The following HIP1 variants were observed in gnomAD, a reference collection of about 807,000 sequenced individuals.
The protein encoded by HIP1 is huntingtin interacting protein 1, also known as huntingtin-interacting protein 1.
HIP1 carries 65 observed loss-of-function variants against 147.6 expected under a neutral mutation model. The ratio of observed to expected loss-of-function variants is 0.44; its 90% CI spans 0.36 to 0.54. The LOEUF is 0.54. Among genes scored for constraint, HIP1 ranks in the 20% least tolerant of loss-of-function variants. The probability of loss-of-function intolerance (pLI) is 0.00; values close to 1 mark genes in which losing one functional copy is unlikely to be tolerated. For missense variants in HIP1, 1,061 were observed against 1,299.6 expected, an observed-to-expected ratio of 0.82 and a Z score of 2.82; for synonymous variants, 479 against 504.0, an observed-to-expected ratio of 0.95 and a Z score of 0.67.
At chr7:75,538,343 T>A (rs908932272) in intron 30 of HIP1, 119 bp from the exon 31 acceptor site, 35 of 805,226 alleles carry the variant, frequency 4.3e-5, no homozygotes, top group Non-Finnish European at 7.0e-5. Context: ...CATGGTGTAA[T>A]CACATAGTCC....
chr7:75,700,986 TG>T (rs1187076136), intron 1 of HIP1, among the ~76,000 whole-genome samples: 1 of 152,016 alleles, frequency 6.6e-6, no homozygotes, highest in Non-Finnish European at 1.5e-5. Context: ...ACTACAGGCG[TG>T]AGCCACCACA....
At chr7:75,605,374 G>A (rs1797185011) in intron 1 of HIP1, among the ~76,000 whole-genome samples, 2 of 152,196 alleles carry the variant, frequency 1.3e-5, no homozygotes, top group Non-Finnish European at 2.9e-5. Context: ...GGATGGAGGA[G>A]AAGCCAGGAG....
chr7:75,546,952 A>G lies in HIP1; in HGVS notation c.2546T>C (p.Val849Ala). Residue 849 changes from valine (V) to alanine (A), a missense_variant, in exon 25 of 31, where the codon GTG becomes GCG. Val to Ala is a moderately conservative substitution (Grantham distance 64, BLOSUM62 0). Coordinates refer to ENST00000336926, the MANE Select transcript of HIP1 (RefSeq NM_005338.7). ...VASKDLQREI[V>A]ESGRGTASPK... ...ACCCACGCTCACCCTGCCGCTCTCC[A>G]CAATCTCTCTCTGGAGGTCCTTAGA... is the stretch of plus-strand genomic sequence containing the variant. 4 of 1,573,392 alleles carry G rather than the reference A, an allele frequency of 2.5e-6. No homozygotes were observed. Among genetic ancestry groups the G allele is most frequent in the Non-Finnish European group, 3.5e-6 (4 of 1,158,048 alleles).
At chr7:75,719,422 G>T (rs1301229200) in intron 1 of HIP1, among the ~76,000 whole-genome samples, 3 of 151,770 alleles carry the variant, frequency 2.0e-5, no homozygotes, top group African/African-American at 4.8e-5. Context: ...GAGAATGGCG[G>T]GAACCCGGAA....
chr7:75,706,476 T>TAGAGAAATG (rs1563304799), intron 1 of HIP1, among the ~76,000 whole-genome samples: 1 of 148,272 alleles, frequency 6.7e-6, no homozygotes, highest in African/African-American at 2.5e-5. Flanking sequence ...ATATCTTCTT[T>TAGAGAAATG]TTTTTTATTT....
At chr7:75,622,562 T>C (rs1554507308) in intron 1 of HIP1, among the ~76,000 whole-genome samples, 1 of 151,718 alleles carries the variant, frequency 6.6e-6, no homozygotes, top group Non-Finnish European at 1.5e-5. Context: ...TTGCAAGTCT[T>C]AAAACCTGGT....
intron 1 of HIP1, among the ~76,000 whole-genome samples, chr7:75,704,994 T>C (rs554451413): frequency 6.6e-6 from 1 of 152,358 alleles, no homozygotes; most frequent in African/African-American, 2.4e-5. Context: ...TACTTTCTTT[T>C]CCAAGTTTTA....
rs945325920 is a variant in HIP1, at chr7:75,535,872, C to T, written c.*2300G>A. ...GATTACGGGCACCCGTCACTACGCTCGGCTAATTTTTGGTATTTTTAGTAG... is the reference window on the plus strand; with the variant it reads ...GATTACGGGCACCCGTCACTACGCTTGGCTAATTTTTGGTATTTTTAGTAG... On this transcript the variant is annotated 3_prime_UTR_variant, in exon 31 of 31. Transcript: ENST00000336926. 6 of 172,054 alleles carry T rather than the reference C, an allele frequency of 3.5e-5. No homozygotes were observed. The East Asian group carries it at 4.3e-4, about 12-fold the overall frequency. 10.7% of individuals were successfully genotyped at this position (172,054 alleles called of 1,614,324 possible).
chr7:75,657,177 G>T (rs1012747461), intron 1 of HIP1, among the ~76,000 whole-genome samples: 1 of 152,150 alleles, frequency 6.6e-6, no homozygotes. Context: ...GCCCATCCAT[G>T]GTAGACTGGA....
rs55679922 is a variant in HIP1, at chr7:75,551,189, A to ATTT, written c.2296-2191_2296-2189dup. The stretch of plus-strand genomic sequence containing the variant: ...TAGGGAGGCAAAGATGTAGATGATA[A>ATTT]TTTTTTTTTTTTTTTTTTTTTTTTT... On this transcript the variant is annotated intron_variant, in intron 22 of 30. Transcript: ENST00000336926. 5.8e-3 allele frequency among the ~76,000 whole-genome samples: 445 copies of ATTT among 77,382 alleles called. 81 individuals carry two copies. Among genetic ancestry groups the ATTT allele is most frequent in the African/African-American group, 0.017 (243 of 14,694 alleles). The allele number at this position is 77,382 out of a possible 152,430, so 50.8% of individuals were successfully genotyped here.
intron 1 of HIP1, among the ~76,000 whole-genome samples, chr7:75,730,402 C>T (rs141458041): frequency 0.016 from 2,397 of 149,424 alleles, 33 homozygotes; most frequent in Non-Finnish European, 0.026. Flanking sequence ...TGCAATGGCG[C>T]GATCTCAGCT....
intron 5 of HIP1, among the ~76,000 whole-genome samples, chr7:75,582,402 T>C (rs782153201): frequency 1.5e-4 from 23 of 152,082 alleles, no homozygotes; most frequent in Non-Finnish European, 2.6e-4. Context: ...CATTGCTGAG[T>C]ATCTACAGCC....
intron 26 of HIP1, 119 bp downstream of exon 26, chr7:75,544,967 ACT>A: frequency 1.3e-6 from 1 of 772,820 alleles, no homozygotes; most frequent in South Asian, 1.7e-5. Context: ...GGTCCTATTG[ACT>A]TCCTGATCAA....
chr7:75,706,754 G>T (rs1363173777), intron 1 of HIP1, among the ~76,000 whole-genome samples: 14 of 106,022 alleles, frequency 1.3e-4, no homozygotes, highest in African/African-American at 5.1e-4. Flanking sequence ...CTAGCATTAG[G>T]TATATCTCCC....
At chr7:75,724,043 G>GC (rs1801581746) in intron 1 of HIP1, among the ~76,000 whole-genome samples, 1 of 151,894 alleles carries the variant, frequency 6.6e-6, no homozygotes, top group South Asian at 2.1e-4. Flanking sequence ...TGCAACCTCC[G>GC]CCCCCGGGGC....
chr7:75,724,977 C>A (rs1315661652), intron 1 of HIP1, among the ~76,000 whole-genome samples: 1 of 152,162 alleles, frequency 6.6e-6, no homozygotes, highest in Non-Finnish European at 1.5e-5. Flanking sequence ...GGGTAAGGGG[C>A]AGGTTCTTAG....
At chr7:75,541,894 C>T in intron 29 of HIP1, 25 bp downstream of exon 29, 1 of 1,571,066 alleles carries the variant, frequency 6.4e-7, no homozygotes, top group African/African-American at 1.3e-5. Context: ...TAGAGGCTAT[C>T]TAGACTTACA....
At chr7:75,640,765 A>AATG (rs1439685047) in intron 1 of HIP1, among the ~76,000 whole-genome samples, 3 of 148,620 alleles carry the variant, frequency 2.0e-5, no homozygotes, top group African/African-American at 7.4e-5. Flanking sequence ...TAATAATAAT[A>AATG]ATAATAATAA....
chr7:75,684,319 G>A (rs900825034), intron 1 of HIP1, among the ~76,000 whole-genome samples: 3 of 151,488 alleles, frequency 2.0e-5, no homozygotes, highest in African/African-American at 4.8e-5. Context: ...GTGGTGGCGC[G>A]CAACTATAAT....
Sources: allele counts gnomAD v4.1 joint callset (sites outside exome capture counted in the v4.1 genomes callset), GRCh38; gene constraint gnomAD v4.1.1; transcripts MANE v1.5; gene names NCBI Gene and HGNC (gene_info 2026-07-23, HGNC 2026-07-21).